The following TRIM13 variants were observed in gnomAD, a reference collection of about 807,000 sequenced individuals.
TRIM13 encodes the protein tripartite motif containing 13.
A neutral mutation model predicts 27.1 loss-of-function variants in TRIM13; 15 were observed. That is an observed-to-expected ratio of 0.55 (90% CI 0.37 to 0.85). The LOEUF is 0.85. TRIM13 is among the 40% of genes least tolerant of loss of function. TRIM13 has a pLI of 0.00. For missense variants in TRIM13, 402 were observed against 472.2 expected, an observed-to-expected ratio of 0.85 and a Z score of 1.38; for synonymous variants, 193 against 171.5, an observed-to-expected ratio of 1.13 and a Z score of -0.98.
intron 1 of TRIM13, among the ~76,000 whole-genome samples, chr13:50,009,054 A>G (rs538108827): frequency 6.6e-6 from 1 of 151,536 alleles, no homozygotes; most frequent in Non-Finnish European, 1.5e-5. Flanking sequence ...GAGAATCCCA[A>G]GAACTTTATG....
intron 1 of TRIM13, among the ~76,000 whole-genome samples, chr13:49,998,283 G>A (rs1376405404): frequency 3.3e-5 from 5 of 152,052 alleles, no homozygotes; most frequent in African/African-American, 1.2e-4. Context: ...AAACCTCCCT[G>A]GGAAGTCCTT....
At chr13:50,010,378 A>G (rs1277014642) in intron 1 of TRIM13, among the ~76,000 whole-genome samples, 5 of 152,182 alleles carry the variant, frequency 3.3e-5, no homozygotes, top group African/African-American at 1.2e-4. Context: ...ATACTATACA[A>G]AAACTCAGCA....
At position 50,014,413 on chromosome 13, in the gene TRIM13, A is replaced by T. The variant is rs1362641820; in HGVS notation, c.*1249A>T. ...TACATATATATACATATATATGTATATATAGAACACATGGCAAGAGCAGGA... is the reference window on the plus strand; with the variant it reads ...TACATATATATACATATATATGTATTTATAGAACACATGGCAAGAGCAGGA... On this transcript the variant is annotated 3_prime_UTR_variant, in exon 2 of 2. Coordinates refer to ENST00000378182, the MANE Select transcript of TRIM13 (RefSeq NM_213590.3). The T allele has an allele frequency of 6.2e-6, 1 of 161,384 alleles. No individual in the cohort carries two copies. Among genetic ancestry groups the T allele is most frequent in the Non-Finnish European group, 1.5e-5 (1 of 66,846 alleles). 10.0% of individuals were successfully genotyped at this position (161,384 alleles called of 1,614,324 possible).
chr13:50,014,562 C>T lies in TRIM13; in HGVS notation c.*1398C>T, dbSNP rs1876139359. ...TTTAGTGTAGTTAAGACTAATTTGACAACAGATAAAACAGTCTGTCAGCTA... is the reference window on the plus strand; with the variant it reads ...TTTAGTGTAGTTAAGACTAATTTGATAACAGATAAAACAGTCTGTCAGCTA... On this transcript the variant is annotated 3_prime_UTR_variant, in exon 2 of 2. Coordinates refer to ENST00000378182, the MANE Select transcript of TRIM13 (RefSeq NM_213590.3). The T allele has an allele frequency of 6.0e-6, 1 of 166,548 alleles. No individual in the cohort carries two copies. The highest frequency in any genetic ancestry group is 1.9e-4 in the East Asian group (1 of 5,180). The allele number at this position is 166,548 out of a possible 1,614,324, so 10.3% of individuals were successfully genotyped here.
chr13:50,007,550 G>A (rs1472917293), intron 1 of TRIM13, among the ~76,000 whole-genome samples: 9 of 150,922 alleles, frequency 6.0e-5, no homozygotes, highest in Non-Finnish European at 1.3e-4. Flanking sequence ...AGTTTGGGAG[G>A]CGGGTGGATT....
intron 1 of TRIM13, chr13:50,001,203 ATC>A (rs1313989852): frequency 6.6e-6 from 1 of 151,740 alleles, no homozygotes; most frequent in Non-Finnish European, 1.5e-5. Flanking sequence ...AGGCAGGAGA[ATC>A]ACTTGAACCC....
intron 1 of TRIM13, among the ~76,000 whole-genome samples, chr13:50,010,207 G>A (rs117181727): frequency 0.088 from 13,294 of 151,864 alleles, 1,408 homozygotes; most frequent in East Asian, 0.54. Context: ...TGCCACCATG[G>A]CTGGCTAATT....
chr13:50,009,566 G>A (rs773815730), intron 1 of TRIM13, among the ~76,000 whole-genome samples: 4 of 151,772 alleles, frequency 2.6e-5, no homozygotes, highest in Non-Finnish European at 4.4e-5. Flanking sequence ...GTGAAACCCC[G>A]TTTCTACTAA....
chr13:50,015,089 AAAAAAATATATATAT>A lies in TRIM13; in HGVS notation c.*1927_*1941del, dbSNP rs1876260253. On this transcript the variant is annotated 3_prime_UTR_variant, in exon 2 of 2. Coordinates refer to ENST00000378182, the MANE Select transcript of TRIM13 (RefSeq NM_213590.3). ...CCTCCCAGTAATAAAAAAAAAAAAA[AAAAAAATATATATAT>A]ATATATATATATATATATATATATA... 4.4e-4 allele frequency: 19 copies of A among 43,350 alleles called. 2 individuals carry two copies. The highest frequency in any genetic ancestry group is 3.5e-3 in the South Asian group (3 of 858). The allele number at this position is 43,350 out of a possible 1,614,324, so 2.7% of individuals were successfully genotyped here. A position where few individuals can be genotyped will look rare whatever the true frequency, so the allele number is the denominator to read the frequency against.
intron 1 of TRIM13, among the ~76,000 whole-genome samples, chr13:50,006,227 C>G (rs1176757595): frequency 6.6e-6 from 1 of 151,902 alleles, no homozygotes. Flanking sequence ...TTTATTATTT[C>G]TAAGTTTTCC....
At chr13:50,004,409 G>A (rs1874412840) in intron 1 of TRIM13, among the ~76,000 whole-genome samples, 1 of 152,028 alleles carries the variant, frequency 6.6e-6, no homozygotes, top group African/African-American at 2.4e-5. Flanking sequence ...AAGCTACAGT[G>A]AGCTGTGTTA....
At chr13:49,998,855 G>A (rs1490372695) in intron 1 of TRIM13, among the ~76,000 whole-genome samples, 1 of 151,206 alleles carries the variant, frequency 6.6e-6, no homozygotes, top group Non-Finnish European at 1.5e-5. Context: ...CACTTGAACC[G>A]GGACGCAGAG....
chr13:50,002,090 A>G (rs1045285871), intron 1 of TRIM13, among the ~76,000 whole-genome samples: 9 of 152,106 alleles, frequency 5.9e-5, no homozygotes, highest in African/African-American at 2.2e-4. Context: ...AAAAAAATTT[A>G]TGAAAGATGA....
chr13:50,001,143 T>G (rs1303528713), intron 1 of TRIM13: 1 of 152,034 alleles, frequency 6.6e-6, no homozygotes, highest in Non-Finnish European at 1.5e-5. Flanking sequence ...TACAAAAAAT[T>G]AGCTGGGCAT....
chr13:50,013,159 T>C lies in TRIM13; in HGVS notation c.1219T>C (p.Leu407=), dbSNP rs113312136. 2.4e-5 allele frequency: 38 copies of C among 1,552,064 alleles called. No homozygotes were observed. The African/African-American group carries it at 3.9e-4, about 16-fold the overall frequency. ...AGAATTTGTGTGCAAATATAAACTA[T>C]TATAAAATCTGTTTCAAGTATGCAG... ...VAEFVCKYKL[L] is the part of the protein sequence containing the mutation. Residue 407 remains leucine (L), a synonymous_variant, in exon 2 of 2, where the codon TTA becomes CTA. Coordinates refer to ENST00000378182, the MANE Select transcript of TRIM13 (RefSeq NM_213590.3).
At chr13:50,011,351 C>T (rs1470251565) in intron 1 of TRIM13, among the ~76,000 whole-genome samples, 1 of 152,110 alleles carries the variant, frequency 6.6e-6, no homozygotes, top group Admixed American at 6.5e-5. Context: ...CAACAAAAAA[C>T]CTCATTTAGT....
chr13:50,003,167 G>C (rs929168878), intron 1 of TRIM13, among the ~76,000 whole-genome samples: 3 of 152,140 alleles, frequency 2.0e-5, no homozygotes, highest in African/African-American at 7.2e-5. Flanking sequence ...GTTCAGTAAA[G>C]CTTAGCATAA....
In TRIM13 at chr13:49,997,860, CG is replaced by C. The variant is rs1291602757; in HGVS notation, c.-7+98del. 10 of 151,962 alleles carry C rather than the reference CG, an allele frequency of 6.6e-5. No homozygotes were observed. The East Asian group carries it at 1.5e-3, about 23-fold the overall frequency. 9.4% of individuals were successfully genotyped at this position (151,962 alleles called of 1,614,324 possible). ...CCAAAATGGAACTGTGTGTAGAATACGTATGTTCCCATCCACTTTCATTGGT... is the reference window on the plus strand; with the variant it reads ...CCAAAATGGAACTGTGTGTAGAATACTATGTTCCCATCCACTTTCATTGGT... On this transcript the variant is annotated intron_variant, in intron 1 of 1. Coordinates refer to ENST00000378182, the MANE Select transcript of TRIM13 (RefSeq NM_213590.3).
Position 50,013,241 on chromosome 13 carries a change from C to T in TRIM13, c.*77C>T, listed in dbSNP as rs529748290. 1.1e-4 allele frequency: 146 copies of T among 1,352,418 alleles called. No individual in the cohort carries two copies. The African/African-American group carries it at 1.2e-3, about 11-fold the overall frequency. 83.8% of individuals were successfully genotyped at this position (1,352,418 alleles called of 1,614,324 possible). A position where few individuals can be genotyped will look rare whatever the true frequency, so the allele number is the denominator to read the frequency against. On this transcript the variant is annotated 3_prime_UTR_variant, in exon 2 of 2. Coordinates refer to ENST00000378182, the MANE Select transcript of TRIM13 (RefSeq NM_213590.3). ...AGAGTGGTAATTCAGATTTGGTCAA[C>T]GATTCTAGTCACATATTTTCCTCCA...
Sources: allele counts gnomAD v4.1 joint callset (sites outside exome capture counted in the v4.1 genomes callset), GRCh38; gene constraint gnomAD v4.1.1; transcripts MANE v1.5; gene names NCBI Gene and HGNC (gene_info 2026-07-23, HGNC 2026-07-21).